The following RALGAPA2 variants were observed in gnomAD, a reference collection of about 807,000 sequenced individuals.
The protein encoded by RALGAPA2 is Ral GTPase activating protein catalytic subunit alpha 2.
Under a neutral mutation model 230.4 loss-of-function variants are expected in RALGAPA2, and 139 were observed. The observed-to-expected ratio is 0.60, with a 90% CI of 0.53 to 0.69. RALGAPA2 has a LOEUF of 0.69. Among genes scored for constraint, RALGAPA2 ranks in the 30% least tolerant of loss-of-function variants. The probability of loss-of-function intolerance (pLI) is 0.00; values close to 1 mark genes in which losing one functional copy is unlikely to be tolerated. For missense variants in RALGAPA2, 2,163 were observed against 2,276.0 expected, an observed-to-expected ratio of 0.95 and a Z score of 1.01; for synonymous variants, 847 against 837.8, an observed-to-expected ratio of 1.01 and a Z score of -0.19.
rs1236529177 is a variant in RALGAPA2 at position 20,605,033 on chromosome 20, C to A, written c.2038+142G>T. The stretch of plus-strand genomic sequence containing the variant: ...TAAGGGAACAGAATGATATGAGACA[C>A]AAATTAATGCCACTATTAAGAAGAC... On this transcript the variant is annotated intron_variant, in intron 15 of 39. Transcript: ENST00000202677. The A allele has an allele frequency of 8.9e-6, 6 of 677,712 alleles. No individual in the cohort carries two copies. The African/African-American group carries it at 1.1e-4, about 12-fold the overall frequency. The allele number at this position is 677,712 out of a possible 1,614,324, so 42.0% of individuals were successfully genotyped here.
At chr20:20,574,901 C>T (rs1320879497) in intron 20 of RALGAPA2, among the ~76,000 whole-genome samples, 1 of 152,166 alleles carries the variant, frequency 6.6e-6, no homozygotes, top group Non-Finnish European at 1.5e-5. Flanking sequence ...GCCTCAGCCC[C>T]CATGTGTTCT....
chr20:20,452,741 C>T (rs188807826), intron 37 of RALGAPA2, among the ~76,000 whole-genome samples: 1 of 152,370 alleles, frequency 6.6e-6, no homozygotes, highest in African/African-American at 2.4e-5. Context: ...CCTTCAGTCT[C>T]ATTAAAGCAT....
In RALGAPA2 at chr20:20,512,620, T is replaced by C. The variant is rs1183401876; in HGVS notation, c.4749A>G (p.Ala1583=). The change falls in exon 32 of 40, where the codon GCA becomes GCG. Residue 1583 remains alanine (A), a synonymous_variant. Transcript: ENST00000202677. ...EYIQSHNFDS[A]MKVTSQGQPS... ...GCTGCCCTTGGCTGGTGACTTTCATTGCAGAATCGAAGTTATGACTCTGGA... is the reference window on the plus strand; with the variant it reads ...GCTGCCCTTGGCTGGTGACTTTCATCGCAGAATCGAAGTTATGACTCTGGA... 1.9e-6 allele frequency: 3 copies of C among 1,613,998 alleles called. No individual in the cohort carries two copies. Among genetic ancestry groups the C allele is most frequent in the Non-Finnish European group, 8.5e-7 (1 of 1,179,880 alleles).
chr20:20,512,025 C>T (rs962852301), intron 32 of RALGAPA2, among the ~76,000 whole-genome samples: 5 of 151,952 alleles, frequency 3.3e-5, no homozygotes, highest in African/African-American at 1.2e-4. Flanking sequence ...CCCGTCTCTA[C>T]TAAAAACATC....
At chr20:20,703,751 A>C (rs2069488245) in intron 1 of RALGAPA2, among the ~76,000 whole-genome samples, 1 of 152,192 alleles carries the variant, frequency 6.6e-6, no homozygotes, top group African/African-American at 2.4e-5. Context: ...CATACCCAGC[A>C]GGGGGATGTT....
At chr20:20,459,593 T>C (rs1240394184) in intron 37 of RALGAPA2, among the ~76,000 whole-genome samples, 1 of 152,018 alleles carries the variant, frequency 6.6e-6, no homozygotes, top group Non-Finnish European at 1.5e-5. Flanking sequence ...GTGGCGACCA[T>C]ACAGCCTCAA....
chr20:20,463,168 C>G (rs563182165), intron 37 of RALGAPA2, among the ~76,000 whole-genome samples: 2 of 150,622 alleles, frequency 1.3e-5, no homozygotes, highest in East Asian at 3.9e-4. Context: ...TTGTAGTCAA[C>G]AGTTTATAAT....
At chr20:20,408,392 GAC>G in intron 38 of RALGAPA2, among the ~76,000 whole-genome samples, 1 of 152,274 alleles carries the variant, frequency 6.6e-6, no homozygotes, top group East Asian at 1.9e-4. Flanking sequence ...TTTAGATCCA[GAC>G]ACAATCTTTA....
intron 37 of RALGAPA2, among the ~76,000 whole-genome samples, chr20:20,469,938 C>T (rs958758321): frequency 6.6e-6 from 1 of 152,152 alleles, no homozygotes; most frequent in African/African-American, 2.4e-5. Context: ...CTCCACTTGA[C>T]AAATTTGATT....
At chr20:20,451,493 A>G (rs2123164151) in intron 37 of RALGAPA2, among the ~76,000 whole-genome samples, 1 of 152,350 alleles carries the variant, frequency 6.6e-6, no homozygotes, top group South Asian at 2.1e-4. Flanking sequence ...CATGTGCCAG[A>G]CTGGCTACAA....
rs1239575715 is a variant in RALGAPA2, at chr20:20,511,315, G to A, written c.4867C>T (p.His1623Tyr). 6.4e-7 allele frequency: 1 copy of A among 1,554,608 alleles called. No individual in the cohort carries two copies. The highest frequency in any genetic ancestry group is 1.2e-5 in the South Asian group (1 of 82,872). ...AATTTTGAATTTTTCTTCAATAGAT[G>A]AAAATTCTTCCTATAAAGAAAAAAG... Reference protein sequence around the residue: ...MNSWDRRKNFHLLKKNSKLLR... With the variant: ...MNSWDRRKNFYLLKKNSKLLR... The change falls in exon 33 of 40, where the codon CAT becomes TAT. Residue 1623 changes from histidine to tyrosine, a missense_variant. His to Tyr is a moderately conservative substitution (Grantham distance 83). Coordinates refer to ENST00000202677, the MANE Select transcript of RALGAPA2 (RefSeq NM_020343.4).
intron 14 of RALGAPA2, 114 bp downstream of exon 14, chr20:20,611,201 T>C: frequency 1.5e-6 from 2 of 1,333,336 alleles, no homozygotes; most frequent in South Asian, 4.2e-5. Flanking sequence ...AGAAGAAAAA[T>C]TTCTAGAAAT....
intron 24 of RALGAPA2, among the ~76,000 whole-genome samples, chr20:20,538,422 A>G (rs980828140): frequency 1.3e-5 from 2 of 152,216 alleles, no homozygotes; most frequent in African/African-American, 4.8e-5. Context: ...TGAAAGGGTC[A>G]GAAGCAGTCG....
intron 37 of RALGAPA2, among the ~76,000 whole-genome samples, chr20:20,417,622 G>A (rs1170575885): frequency 2.6e-5 from 4 of 152,186 alleles, no homozygotes; most frequent in Non-Finnish European, 5.9e-5. Flanking sequence ...CAGGAACTGG[G>A]ACACAGACAT....
At chr20:20,587,962 T>C (rs1315371093) in intron 18 of RALGAPA2, among the ~76,000 whole-genome samples, 2 of 151,868 alleles carry the variant, frequency 1.3e-5, no homozygotes, top group Non-Finnish European at 2.9e-5. Flanking sequence ...CCAATAAAAA[T>C]GAAAAAATCT....
chr20:20,654,349 C>T (rs1050611435), intron 3 of RALGAPA2, among the ~76,000 whole-genome samples: 20 of 152,108 alleles, frequency 1.3e-4, no homozygotes, highest in African/African-American at 4.1e-4. Context: ...CCATTACACT[C>T]GGCTAATATT....
At chr20:20,590,166 G>C (rs1383737939) in intron 17 of RALGAPA2, among the ~76,000 whole-genome samples, 1 of 151,884 alleles carries the variant, frequency 6.6e-6, no homozygotes, top group Non-Finnish European at 1.5e-5. Context: ...ACAATACACT[G>C]TTACAAATTA....
Position 20,393,257 on chromosome 20 carries a change from C to G in RALGAPA2, c.*36-4G>C. ...CTCAGACTGGAGGCCAGGGCCCCTG[C>G]AAAGGAAGCAGAGAACTGCTAAGTC... On this transcript the variant is annotated splice_region_variant and splice_polypyrimidine_tract_variant and intron_variant, in intron 39 of 39. Transcript: ENST00000202677. 8.2e-6 allele frequency: 11 copies of G among 1,339,732 alleles called. No individual in the cohort carries two copies. The highest frequency in any genetic ancestry group is 1.1e-5 in the Non-Finnish European group (11 of 1,009,054). 83.0% of individuals were successfully genotyped at this position (1,339,732 alleles called of 1,614,324 possible). A position where few individuals can be genotyped will look rare whatever the true frequency, so the allele number is the denominator to read the frequency against.
intron 24 of RALGAPA2, 121 bp from the exon 25 acceptor site, chr20:20,536,905 T>G: frequency 2.6e-6 from 3 of 1,154,356 alleles, no homozygotes; most frequent in Non-Finnish European, 3.5e-6. Flanking sequence ...AGTTATTCTC[T>G]TCCAAGTGCA....
Sources: allele counts gnomAD v4.1 joint callset (sites outside exome capture counted in the v4.1 genomes callset), GRCh38; gene constraint gnomAD v4.1.1; transcripts MANE v1.5; gene names NCBI Gene and HGNC (gene_info 2026-07-23, HGNC 2026-07-21).